The following ME1 variants were observed in gnomAD, a reference collection of about 807,000 sequenced individuals.
The protein encoded by ME1 is NADP-dependent malic enzyme.
ME1 carries 74 observed loss-of-function variants against 66.4 expected under a neutral mutation model. The ratio of observed to expected loss-of-function variants is 1.11; its 90% CI spans 0.92 to 1.35. The LOEUF (loss-of-function observed/expected upper bound fraction) is 1.35. ME1 is among the 40% of genes most tolerant of loss of function. The pLI is 0.00. For synonymous variants in ME1, 251 were observed against 235.6 expected, an observed-to-expected ratio of 1.07 and a Z score of -0.60; for missense variants, 750 against 694.1, an observed-to-expected ratio of 1.08 and a Z score of -0.90.
intron 8 of ME1, 104 bp downstream of exon 8, chr6:83,239,435 T>C (rs1790471514): frequency 1.4e-6 from 1 of 735,016 alleles, no homozygotes; most frequent in Non-Finnish European, 2.3e-6. Flanking sequence ...ACAGTCATAA[T>C]ATACTAAAAA....
At chr6:83,312,508 C>T (rs779341509) in intron 6 of ME1, among the ~76,000 whole-genome samples, 9 of 152,092 alleles carry the variant, frequency 5.9e-5, no homozygotes, top group Non-Finnish European at 1.2e-4. Flanking sequence ...CTACCCTAAA[C>T]CTGCCAAGAT....
intron 6 of ME1, among the ~76,000 whole-genome samples, chr6:83,295,915 T>C (rs1044216050): frequency 6.6e-6 from 1 of 151,882 alleles, no homozygotes; most frequent in Non-Finnish European, 1.5e-5. Flanking sequence ...CTAGAAAACT[T>C]TGAAGAGATG....
intron 4 of ME1, among the ~76,000 whole-genome samples, chr6:83,348,383 T>C (rs1197353034): frequency 6.6e-6 from 1 of 152,210 alleles, no homozygotes; most frequent in Non-Finnish European, 1.5e-5. Context: ...ATATATACTT[T>C]TATGAATGTG....
At chr6:83,239,668 C>T (rs1790477021) in intron 7 of ME1, 32 bp from the exon 8 acceptor site, 1 of 1,458,608 alleles carries the variant, frequency 6.9e-7, no homozygotes, top group Non-Finnish European at 9.6e-7. Context: ...CTTGAGTAAT[C>T]CTCAAACAGA....
At chr6:83,396,342 T>G (rs1769730830) in intron 3 of ME1, among the ~76,000 whole-genome samples, 1 of 151,900 alleles carries the variant, frequency 6.6e-6, no homozygotes, top group African/African-American at 2.4e-5. Flanking sequence ...CCAGACAAAG[T>G]AAGATTGTCT....
At position 83,430,869 on chromosome 6, in the gene ME1, G is replaced by A. The variant is rs371301978; in HGVS notation, c.78+8C>T. ...CCGATGGGCGGCCAGGTGGGCCTGC[G>A]GGTTTACCTTGTTGAGGTGAGGGTT... On this transcript the variant is annotated splice_region_variant and intron_variant, in intron 1 of 13. Transcript: ENST00000369705. 10 of 1,597,638 alleles carry A rather than the reference G, an allele frequency of 6.3e-6. No individual in the cohort carries two copies. In the African/African-American group the frequency reaches 1.1e-4, roughly 17 times the overall value.
At chr6:83,298,119 A>G (rs1246248578) in intron 6 of ME1, among the ~76,000 whole-genome samples, 1 of 152,184 alleles carries the variant, frequency 6.6e-6, no homozygotes, top group African/African-American at 2.4e-5. Flanking sequence ...CTGGTTCTAT[A>G]TCTTTGAGGA....
chr6:83,357,367 TA>T (rs1204007251), intron 3 of ME1, among the ~76,000 whole-genome samples: 1 of 152,250 alleles, frequency 6.6e-6, no homozygotes, highest in African/African-American at 2.4e-5. Context: ...ACTTTCAATT[TA>T]TTCAGATCAG....
chr6:83,305,941 T>C (rs1268552010), intron 6 of ME1, among the ~76,000 whole-genome samples: 1 of 152,188 alleles, frequency 6.6e-6, no homozygotes, highest in African/African-American at 2.4e-5. Context: ...GCCACATAGA[T>C]GGTCTTTCAA....
intron 6 of ME1, among the ~76,000 whole-genome samples, chr6:83,289,099 A>G (rs928362166): frequency 6.6e-6 from 1 of 152,180 alleles, no homozygotes; most frequent in African/African-American, 2.4e-5. Flanking sequence ...CTGCAAACAG[A>G]GACAATTTGA....
chr6:83,212,959 C>T (rs905675993), intron 13 of ME1, among the ~76,000 whole-genome samples: 22 of 152,190 alleles, frequency 1.4e-4, no homozygotes, highest in Admixed American at 1.3e-3. Context: ...CATACATCTT[C>T]TCTTTCCCTA....
At chr6:83,319,822 T>A in intron 5 of ME1, among the ~76,000 whole-genome samples, 1 of 152,196 alleles carries the variant, frequency 6.6e-6, no homozygotes, top group East Asian at 1.9e-4. Flanking sequence ...AATTGCTATG[T>A]ACCATTTAGA....
In ME1 at chr6:83,364,344, C is replaced by T. The variant is rs573405795; in HGVS notation, c.363-12205G>A. Among the ~76,000 whole-genome samples the T allele has an allele frequency of 9.2e-5, 14 of 152,198 alleles. No individual in the cohort carries two copies. In the South Asian group the frequency reaches 2.9e-3, roughly 32 times the overall value. On this transcript the variant is annotated intron_variant, in intron 3 of 13. Transcript: ENST00000369705. ...CCTTTCTCCTCAGCCTGCAGACAGC[C>T]TATTGTAGGACCTTGTGATTGTGTG... is the stretch of plus-strand genomic sequence containing the variant.
At position 83,313,552 on chromosome 6, in the gene ME1, C is replaced by T. The variant is rs547684843; in HGVS notation, c.704+1758G>A. ...TTAAGTGCACCTAACTTGTTAGCAG[C>T]GTCTGTTTGTTAAAGTTGTCTTATT... On this transcript the variant is annotated intron_variant, in intron 6 of 13. Coordinates refer to ENST00000369705, the MANE Select transcript of ME1 (RefSeq NM_002395.6). Among the ~76,000 whole-genome samples, 13 of 152,280 alleles carry T rather than the reference C, an allele frequency of 8.5e-5. No homozygotes were observed. The East Asian group carries it at 1.4e-3, about 16-fold the overall frequency.
At chr6:83,318,195 A>G (rs1238010116) in intron 5 of ME1, among the ~76,000 whole-genome samples, 1 of 146,948 alleles carries the variant, frequency 6.8e-6, no homozygotes, top group African/African-American at 2.5e-5. Context: ...AAACCATAAA[A>G]ACCCTAGAAG....
chr6:83,295,981 C>A (rs1053301118), intron 6 of ME1, among the ~76,000 whole-genome samples: 6 of 151,898 alleles, frequency 4.0e-5, no homozygotes, highest in Admixed American at 6.6e-5. Context: ...GAAACTGAAC[C>A]CCTGAACAGA....
chr6:83,344,265 G>A (rs963806752), intron 5 of ME1, among the ~76,000 whole-genome samples: 1 of 149,670 alleles, frequency 6.7e-6, no homozygotes, highest in Admixed American at 6.8e-5. Flanking sequence ...CAGCCTGGGT[G>A]GCAGTGCAAC....
At chr6:83,383,130 A>T (rs1035102405) in intron 3 of ME1, among the ~76,000 whole-genome samples, 2 of 151,866 alleles carry the variant, frequency 1.3e-5, no homozygotes, top group Non-Finnish European at 1.5e-5. Context: ...ATACATATAC[A>T]CACATATACA....
intron 12 of ME1, among the ~76,000 whole-genome samples, chr6:83,222,312 A>G (rs1232170051): frequency 1.3e-5 from 2 of 152,232 alleles, no homozygotes; most frequent in African/African-American, 4.8e-5. Context: ...ACAGGAGAAC[A>G]TTATTGCTTC....
Sources: allele counts gnomAD v4.1 joint callset (sites outside exome capture counted in the v4.1 genomes callset), GRCh38; gene constraint gnomAD v4.1.1; transcripts MANE v1.5; gene names NCBI Gene and HGNC (gene_info 2026-07-23, HGNC 2026-07-21).